The following SARDH variants were observed in gnomAD, a reference collection of about 807,000 sequenced individuals.
SARDH encodes sarcosine dehydrogenase, mitochondrial.
SARDH carries 95 observed loss-of-function variants against 109.1 expected under a neutral mutation model. That is an observed-to-expected ratio of 0.87 (90% CI 0.74 to 1.03). The LOEUF is 1.03. Ranked by LOEUF, SARDH falls within the 50% of genes least tolerant of loss-of-function variation. The pLI is 0.00. For synonymous variants in SARDH, 572 were observed against 534.8 expected, an observed-to-expected ratio of 1.07 and a Z score of -0.96; for missense variants, 1,267 against 1,287.8, an observed-to-expected ratio of 0.98 and a Z score of 0.25.
chr9:133,733,353 T>C (rs1482095913), intron 2 of SARDH, among the ~76,000 whole-genome samples: 3 of 152,158 alleles, frequency 2.0e-5, no homozygotes, highest in Non-Finnish European at 4.4e-5. Context: ...GCTGAAATGG[T>C]GAAGGCAGAA....
At chr9:133,698,680 C>A (rs1453675255) in intron 13 of SARDH, among the ~76,000 whole-genome samples, 1 of 152,132 alleles carries the variant, frequency 6.6e-6, no homozygotes, top group African/African-American at 2.4e-5. Flanking sequence ...AAGGGTAGAG[C>A]AATCTTTTCA....
In SARDH at chr9:133,708,381, C is replaced by T. The variant is rs1485976202; in HGVS notation, c.1376G>A (p.Arg459Gln). The change falls in exon 11 of 21, where the codon CGA becomes CAA. Residue 459 changes from arginine to glutamine, a missense_variant. Coordinates refer to ENST00000439388, the MANE Select transcript of SARDH (RefSeq NM_001134707.2). The stretch of plus-strand genomic sequence containing the variant: ...GTTCTTGGCGTAGGACTCATGGCTT[C>T]GCTCTCGGATCCAGCGGGGGTGGTC... ...LTDHPRWIRE[R>Q]SHESYAKNYS... The T allele has an allele frequency of 7.4e-6, 12 of 1,612,768 alleles. No homozygotes were observed. Among genetic ancestry groups the T allele is most frequent in the East Asian group, 2.2e-5 (1 of 44,882 alleles).
Position 133,694,378 on chromosome 9 carries a change from G to C in SARDH, c.1808-7C>G. 6.5e-7 allele frequency: 1 copy of C among 1,548,710 alleles called. No homozygotes were observed. Among genetic ancestry groups the C allele is most frequent in the Non-Finnish European group, 8.7e-7 (1 of 1,145,162 alleles). On this transcript the variant is annotated splice_polypyrimidine_tract_variant and splice_region_variant and intron_variant, in intron 14 of 20. Coordinates refer to ENST00000439388, the MANE Select transcript of SARDH (RefSeq NM_001134707.2). ...CACGTGTACACGGTGGAGCCTGCGA[G>C]AGGGAGAAGGAAGCCGGGTCTGTGC...
chr9:133,714,574 C>T (rs116640041), intron 8 of SARDH, among the ~76,000 whole-genome samples: 7,946 of 152,188 alleles, frequency 0.052, 345 homozygotes, highest in African/African-American at 0.12. Flanking sequence ...AGCCCAGGAG[C>T]TCAGGACCAG....
At chr9:133,690,830 G>A (rs574364489) in intron 15 of SARDH, among the ~76,000 whole-genome samples, 28 of 152,280 alleles carry the variant, frequency 1.8e-4, no homozygotes, top group African/African-American at 6.7e-4. Flanking sequence ...GGAACACACA[G>A]GCCTAGGCCA....
At chr9:133,675,532 G>C (rs541928784) in intron 17 of SARDH, among the ~76,000 whole-genome samples, 2 of 152,292 alleles carry the variant, frequency 1.3e-5, no homozygotes, top group East Asian at 3.9e-4. Flanking sequence ...GAAAAAGAAA[G>C]TAACGAGTGT....
chr9:133,737,382 G>C (rs900271076), intron 1 of SARDH, among the ~76,000 whole-genome samples: 1 of 152,198 alleles, frequency 6.6e-6, no homozygotes, highest in Non-Finnish European at 1.5e-5. Context: ...GCTCCTGCCT[G>C]CAGAGGTGGC....
At chr9:133,727,724 G>T (rs1015096651) in intron 6 of SARDH, among the ~76,000 whole-genome samples, 1 of 152,130 alleles carries the variant, frequency 6.6e-6, no homozygotes, top group South Asian at 2.1e-4. Flanking sequence ...CCTGTGCTCC[G>T]GTACCAGAGG....
chr9:133,734,098 A>G lies in SARDH; in HGVS notation c.76T>C (p.Cys26Arg), dbSNP rs777588183. 6.2e-7 allele frequency: 1 copy of G among 1,612,706 alleles called. No homozygotes were observed. The highest frequency in any genetic ancestry group is 8.5e-7 in the Non-Finnish European group (1 of 1,179,794). Reference protein sequence around the residue: ...RQSPTRGMGPCNLSSAAGPTA... With the variant: ...RQSPTRGMGPRNLSSAAGPTA... ...GGGCCAGCTGCGCTGGACAGGTTGC[A>G]TGGCCCCATGCCCCGGGTAGGGCTC... The change falls in exon 2 of 21, where the codon TGC becomes CGC. Residue 26 changes from cysteine (C) to arginine (R), a missense_variant. Transcript: ENST00000439388.
At position 133,692,080 on chromosome 9, in the gene SARDH, C is replaced by T. The variant is rs1243075307; in HGVS notation, c.1922-1553G>A. Among the ~76,000 whole-genome samples the T allele has an allele frequency of 6.6e-6, 1 of 152,128 alleles. No individual in the cohort carries two copies. The highest frequency in any genetic ancestry group is 1.5e-5 in the Non-Finnish European group (1 of 68,010). ...GGGGGGACGAGCAAGGTCCTCATTC[C>T]CCAGCCAGGGAAACTGAGGCTCAGG... is the stretch of plus-strand genomic sequence containing the variant. On this transcript the variant is annotated intron_variant, in intron 15 of 20. Transcript: ENST00000439388. The surrounding 1 kb of genome is among the most constrained non-coding windows in gnomAD (Gnocchi z 5.0).
rs1392614949 is a variant in SARDH, at chr9:133,671,765, C to G, written c.2164-68G>C. On this transcript the variant is annotated intron_variant, in intron 17 of 20. Transcript: ENST00000439388. ...GCTGAGGTCCAGGCCCAGGCCACCA[C>G]TTCCTGGTGGCAGCTCCTACTGTCA... is the stretch of plus-strand genomic sequence containing the variant. The G allele has an allele frequency of 2.0e-6, 3 of 1,487,994 alleles. No homozygotes were observed. In the East Asian group the frequency reaches 7.5e-5, roughly 37 times the overall value. 92.2% of individuals were successfully genotyped at this position (1,487,994 alleles called of 1,614,324 possible). A position where few individuals can be genotyped will look rare whatever the true frequency, so the allele number is the denominator to read the frequency against.
At chr9:133,702,238 G>T (rs150643048) in intron 13 of SARDH, among the ~76,000 whole-genome samples, 1 of 152,212 alleles carries the variant, frequency 6.6e-6, no homozygotes, top group Non-Finnish European at 1.5e-5. Flanking sequence ...GGACAGCTGC[G>T]GGGGAGAACG....
chr9:133,671,903 G>A (rs943245461), intron 17 of SARDH, among the ~76,000 whole-genome samples: 3 of 152,202 alleles, frequency 2.0e-5, no homozygotes, highest in Admixed American at 6.5e-5. Flanking sequence ...AGAAGTAGGG[G>A]GTCACCTTTG....
At chr9:133,679,812 G>T (rs1220410451) in intron 17 of SARDH, among the ~76,000 whole-genome samples, 5 of 152,226 alleles carry the variant, frequency 3.3e-5, no homozygotes, top group Admixed American at 1.3e-4. Context: ...CGCCCAATTC[G>T]TCTGGTGGTG....
In SARDH at chr9:133,718,501, A is replaced by T. The variant is rs1588443051; in HGVS notation, c.1020+437T>A. On this transcript the variant is annotated intron_variant, in intron 7 of 20. Transcript: ENST00000439388. The surrounding 1 kb of genome is among the most constrained non-coding windows in gnomAD (Gnocchi z 4.2). ...CCCAAAGTAGCCACTCAGTCGTTCCATGTGTGGACTAAATGCATATACACA... is the reference window on the plus strand; with the variant it reads ...CCCAAAGTAGCCACTCAGTCGTTCCTTGTGTGGACTAAATGCATATACACA... 8 of 556,354 alleles carry T rather than the reference A, an allele frequency of 1.4e-5. No homozygotes were observed. In the East Asian group the frequency reaches 2.3e-4, roughly 16 times the overall value. 34.5% of individuals were successfully genotyped at this position (556,354 alleles called of 1,614,324 possible). A position where few individuals can be genotyped will look rare whatever the true frequency, so the allele number is the denominator to read the frequency against.
chr9:133,732,212 A>C, intron 3 of SARDH, among the ~76,000 whole-genome samples: 1 of 151,004 alleles, frequency 6.6e-6, no homozygotes, highest in Non-Finnish European at 1.5e-5. Flanking sequence ...CCCACTCCCG[A>C]CCCCACAGGA....
At chr9:133,721,587 A>G (rs1342429624) in intron 6 of SARDH, among the ~76,000 whole-genome samples, 1 of 152,174 alleles carries the variant, frequency 6.6e-6, no homozygotes, top group African/African-American at 2.4e-5. Flanking sequence ...TCCAAAAGGG[A>G]GCGGAAGATC....
chr9:133,722,048 G>A (rs1040372336), intron 6 of SARDH, among the ~76,000 whole-genome samples: 12 of 152,230 alleles, frequency 7.9e-5, no homozygotes, highest in East Asian at 1.9e-4. Context: ...CCCAGGAAGC[G>A]AAGGTTGCAG....
downstream of SARDH, among the ~76,000 whole-genome samples, chr9:133,660,056 A>AC (rs71503354): frequency 1.4e-5 from 1 of 69,112 alleles, no homozygotes; most frequent in Non-Finnish European, 3.0e-5. Flanking sequence ...CGACAACCCC[A>AC]CCCCCACCTC....
Sources: allele counts gnomAD v4.1 joint callset (sites outside exome capture counted in the v4.1 genomes callset), GRCh38; gene constraint gnomAD v4.1.1; non-coding constraint Gnocchi (gnomAD v3.1); transcripts MANE v1.5; gene names NCBI Gene and HGNC (gene_info 2026-07-23, HGNC 2026-07-21).